HYDIN: variants seen among roughly 807,000 people sequenced by gnomAD.
HYDIN encodes axonemal central pair apparatus protein HYDIN.
A neutral mutation model predicts 403.9 loss-of-function variants in HYDIN; 132 were observed. The observed-to-expected ratio is 0.33, with a 90% confidence interval of 0.28 to 0.38. The LOEUF (loss-of-function observed/expected upper bound fraction) is 0.38. HYDIN is among the 10% of genes least tolerant of loss of function. HYDIN has a pLI of 1.00. For synonymous variants in HYDIN, 1,202 were observed against 1,891.7 expected, an observed-to-expected ratio of 0.64 and a Z score of 9.46; for missense variants, 2,827 against 5,009.5, an observed-to-expected ratio of 0.56 and a Z score of 13.15.
chr16:70,860,023 A>T lies in HYDIN; in HGVS notation c.12129+45T>A, dbSNP rs2039305801. ...GCACACTTTCCACACAGCAATGGCT[A>T]GAGTGATCTAAGCCTTGGGTTGAGT... On this transcript the variant is annotated intron_variant, in intron 71 of 85. Transcript: ENST00000393567. The T allele has an allele frequency of 2.6e-6, 4 of 1,558,620 alleles. No individual in the cohort carries two copies. The South Asian group carries it at 4.5e-5, about 17-fold the overall frequency.
chr16:71,082,359 C>T (rs1271808172), intron 12 of HYDIN, among the ~76,000 whole-genome samples: 1 of 151,960 alleles, frequency 6.6e-6, no homozygotes. Flanking sequence ...ACTAACAATG[C>T]AACACTATTG....
intron 1 of HYDIN, among the ~76,000 whole-genome samples, chr16:71,208,916 C>A (rs2088437883): frequency 6.6e-6 from 1 of 151,964 alleles, no homozygotes; most frequent in Admixed American, 6.6e-5. Context: ...GCCTACGAAC[C>A]AAAGAAAGCC....
intron 3 of HYDIN, among the ~76,000 whole-genome samples, chr16:71,180,388 A>G (rs1406403480): frequency 6.6e-6 from 1 of 152,130 alleles, no homozygotes; most frequent in Non-Finnish European, 1.5e-5. Flanking sequence ...CCTTTTACAG[A>G]GAAAATTCCA....
chr16:70,902,810 TATATATA>T (rs2076420627), intron 52 of HYDIN, among the ~76,000 whole-genome samples: 1 of 32,622 alleles, frequency 3.1e-5, no homozygotes, highest in African/African-American at 1.4e-4. Flanking sequence ...TATATATATA[TATATATA>T]TATATTTTTT....
chr16:71,087,775 A>G (rs2082973588), intron 12 of HYDIN: 1 of 151,876 alleles, frequency 6.6e-6, no homozygotes, highest in Admixed American at 6.6e-5. Flanking sequence ...AGGTCTTGCT[A>G]GCAGTTACCA....
intron 71 of HYDIN, among the ~76,000 whole-genome samples, chr16:70,859,866 G>A (rs1462729766): frequency 6.6e-6 from 1 of 152,006 alleles, no homozygotes; most frequent in Non-Finnish European, 1.5e-5. Context: ...CTTCTCCATG[G>A]CTAGCCAAGA....
chr16:70,994,685 G>A (rs2079471841), intron 23 of HYDIN, among the ~76,000 whole-genome samples: 3 of 148,984 alleles, frequency 2.0e-5, no homozygotes, highest in Admixed American at 1.3e-4. Context: ...CAATTCTAAT[G>A]GGCAGCCAGA....
chr16:71,019,595 A>G (rs1315119665), intron 22 of HYDIN, among the ~76,000 whole-genome samples: 1 of 152,292 alleles, frequency 6.6e-6, no homozygotes, highest in Non-Finnish European at 1.5e-5. Context: ...TGGTGATTAA[A>G]TGTTTTGAAG....
At chr16:70,905,895 T>TGAC in intron 50 of HYDIN, among the ~76,000 whole-genome samples, 1 of 147,892 alleles carries the variant, frequency 6.8e-6, no homozygotes, top group East Asian at 2.0e-4. Flanking sequence ...CCCTCCTGTC[T>TGAC]GGCTTTGAAG....
intron 67 of HYDIN, among the ~76,000 whole-genome samples, chr16:70,863,898 G>T (rs985571128): frequency 1.3e-5 from 2 of 151,110 alleles, no homozygotes; most frequent in African/African-American, 4.9e-5. Context: ...AGAAAGGAAG[G>T]AAGTCCCTGT....
intron 7 of HYDIN, among the ~76,000 whole-genome samples, chr16:71,150,663 G>A (rs1445347703): frequency 2.6e-5 from 4 of 151,302 alleles, no homozygotes; most frequent in Admixed American, 6.6e-5. Flanking sequence ...TTCCTAGCAT[G>A]GAGGCAAAAA....
intron 85 of HYDIN, 32 bp downstream of exon 85, chr16:70,809,751 G>T: frequency 6.5e-7 from 1 of 1,530,854 alleles, no homozygotes; most frequent in Non-Finnish European, 9.0e-7. Context: ...TCATGTGAGG[G>T]AAGGGCAGAA....
intron 6 of HYDIN, among the ~76,000 whole-genome samples, chr16:71,158,101 A>C (rs2085847955): frequency 6.6e-6 from 1 of 152,194 alleles, no homozygotes; most frequent in Non-Finnish European, 1.5e-5. Context: ...AGGAAGGCTC[A>C]GGAAGCCCCA....
chr16:71,030,366 T>C (rs1274720886), intron 19 of HYDIN, among the ~76,000 whole-genome samples: 1 of 151,756 alleles, frequency 6.6e-6, no homozygotes, highest in Non-Finnish European at 1.5e-5. Context: ...CCAAACCTTA[T>C]ATATGTGTGT....
At chr16:70,887,070 C>T (rs1462806894) in intron 58 of HYDIN, among the ~76,000 whole-genome samples, 1 of 152,164 alleles carries the variant, frequency 6.6e-6, no homozygotes, top group Non-Finnish European at 1.5e-5. Flanking sequence ...TTCCACAGAT[C>T]CCTGAGCATC....
intron 35 of HYDIN, among the ~76,000 whole-genome samples, chr16:70,972,999 G>C (rs530963613): frequency 1.3e-5 from 2 of 152,310 alleles, no homozygotes; most frequent in African/African-American, 4.8e-5. Flanking sequence ...ATTTCAATAA[G>C]GACTTCTGAT....
chr16:71,213,543 C>G (rs1196353935), intron 1 of HYDIN, among the ~76,000 whole-genome samples: 1 of 151,922 alleles, frequency 6.6e-6, no homozygotes, highest in East Asian at 1.9e-4. Context: ...AATGCCCAAA[C>G]TAGAAGAGGG....
At chr16:71,163,366 G>A (rs4476179) in intron 5 of HYDIN, among the ~76,000 whole-genome samples, 2 of 151,918 alleles carry the variant, frequency 1.3e-5, no homozygotes, top group South Asian at 2.1e-4. Context: ...CTCGTGATCC[G>A]CCTGCCTCGG....
rs1406714901 is a variant in HYDIN at position 70,943,934 on chromosome 16, G to T, written c.6547C>A (p.Leu2183Ile). The change falls in exon 42 of 86, where the codon CTC (leucine) becomes ATC (isoleucine). Residue 2183 changes from leucine (L) to isoleucine (I), a missense_variant. Leu to Ile is a conservative substitution (Grantham distance 5, BLOSUM62 2). Transcript: ENST00000393567. The stretch of plus-strand genomic sequence containing the variant: ...CAGCGGTGGATGGGCCCCGGGGGGA[G>T]AGGGCTGGAGGAAATCTGTTGAGTG... ...SETPQISSSP[L>I]PPGPIHRWLS... 3.7e-6 allele frequency: 6 copies of T among 1,608,106 alleles called. No homozygotes were observed. In the Admixed American group the frequency reaches 5.1e-5, roughly 14 times the overall value.
Sources: allele counts gnomAD v4.1 joint callset (sites outside exome capture counted in the v4.1 genomes callset), GRCh38; gene constraint gnomAD v4.1.1; transcripts MANE v1.5; gene names NCBI Gene and HGNC (gene_info 2026-07-23, HGNC 2026-07-21).